Variants in CDH13 observed in about 807,000 individuals in gnomAD.
CDH13 encodes cadherin-13.
A neutral mutation model predicts 63.8 loss-of-function variants in CDH13; 24 were observed. The ratio of observed to expected loss-of-function variants is 0.38; its 90% CI spans 0.27 to 0.53. The LOEUF (loss-of-function observed/expected upper bound fraction) is 0.53. Among genes scored for constraint, CDH13 ranks in the 20% least tolerant of loss-of-function variants. CDH13 has a pLI of 0.85. For missense variants in CDH13, 1,049 were observed against 903.1 expected, an observed-to-expected ratio of 1.16 and a Z score of -2.07; for synonymous variants, 503 against 355.3, an observed-to-expected ratio of 1.42 and a Z score of -4.67.
chr16:83,489,423 C>T (rs193048875), intron 7 of CDH13, among the ~76,000 whole-genome samples: 47 of 152,246 alleles, frequency 3.1e-4, no homozygotes, highest in Non-Finnish European at 4.9e-4. Context: ...TGAGGGTTTC[C>T]AGAGTTCATT....
At chr16:83,513,451 C>T (rs575993203) in intron 7 of CDH13, among the ~76,000 whole-genome samples, 21 of 152,258 alleles carry the variant, frequency 1.4e-4, no homozygotes, top group African/African-American at 4.8e-4. Flanking sequence ...TCTCATGCTG[C>T]TATAAAGACT....
intron 4 of CDH13, among the ~76,000 whole-genome samples, chr16:83,125,891 G>A (rs1315080837): frequency 6.6e-6 from 1 of 152,226 alleles, no homozygotes; most frequent in African/African-American, 2.4e-5. Flanking sequence ...TTAGGTCTAC[G>A]CGTACCACTG....
At chr16:82,838,546 A>T (rs9930075) in intron 1 of CDH13, among the ~76,000 whole-genome samples, 48,055 of 152,052 alleles carry the variant, frequency 0.32, 8,817 homozygotes, top group East Asian at 0.8. Flanking sequence ...CCAAAGTAAT[A>T]GTAATATCAT....
chr16:82,717,029 C>G (rs903442205), intron 1 of CDH13, among the ~76,000 whole-genome samples: 1 of 152,016 alleles, frequency 6.6e-6, no homozygotes. Context: ...CTGAGCTTGG[C>G]CAGATGCTGC....
intron 2 of CDH13, among the ~76,000 whole-genome samples, chr16:82,865,466 C>G (rs1422160654): frequency 6.6e-6 from 1 of 152,208 alleles, no homozygotes; most frequent in African/African-American, 2.4e-5. Context: ...CCTGCAGGCC[C>G]AACACCACGT....
intron 7 of CDH13, among the ~76,000 whole-genome samples, chr16:83,579,033 C>T (rs958059960): frequency 1.3e-5 from 2 of 152,236 alleles, no homozygotes; most frequent in Non-Finnish European, 2.9e-5. Context: ...TTTAATCCTT[C>T]TGACAACCTT....
chr16:82,762,957 A>G (rs1255553792), intron 1 of CDH13, among the ~76,000 whole-genome samples: 3 of 152,230 alleles, frequency 2.0e-5, no homozygotes, highest in Admixed American at 1.3e-4. Flanking sequence ...CGGGAGGTAC[A>G]TGAACTGCTC....
chr16:82,893,938 C>T (rs1276100941), intron 2 of CDH13, among the ~76,000 whole-genome samples: 2 of 152,186 alleles, frequency 1.3e-5, no homozygotes, highest in East Asian at 3.9e-4. Flanking sequence ...AGTAACCTCC[C>T]ACATGTTTTC....
chr16:82,940,239 A>G (rs2042790861), intron 2 of CDH13, among the ~76,000 whole-genome samples: 1 of 152,226 alleles, frequency 6.6e-6, no homozygotes, highest in Admixed American at 6.5e-5. Flanking sequence ...AGACATCAGT[A>G]TAAATCCTGG....
chr16:83,686,990 A>G (rs1205509041), intron 10 of CDH13, among the ~76,000 whole-genome samples: 2 of 152,148 alleles, frequency 1.3e-5, no homozygotes, highest in Non-Finnish European at 2.9e-5. Context: ...TGGGCAGATC[A>G]TTTGAGGTTA....
At chr16:83,218,892 T>C (rs1290150173) in intron 5 of CDH13, among the ~76,000 whole-genome samples, 1 of 152,116 alleles carries the variant, frequency 6.6e-6, no homozygotes, top group Non-Finnish European at 1.5e-5. Context: ...ATCTGATGGT[T>C]TTATGAATGG....
At chr16:83,554,728 C>T (rs2075570104) in intron 7 of CDH13, among the ~76,000 whole-genome samples, 1 of 152,118 alleles carries the variant, frequency 6.6e-6, no homozygotes, top group Admixed American at 6.5e-5. Context: ...TGCCCAGCAA[C>T]TGCCTGTCCA....
chr16:83,048,544 T>A (rs2029905029), intron 3 of CDH13, among the ~76,000 whole-genome samples: 1 of 152,194 alleles, frequency 6.6e-6, no homozygotes, highest in South Asian at 2.1e-4. Flanking sequence ...TAAGTTGTAC[T>A]CTAGTGCCTA....
At chr16:82,921,952 C>T (rs60691277) in intron 2 of CDH13, among the ~76,000 whole-genome samples, 1 of 151,922 alleles carries the variant, frequency 6.6e-6, no homozygotes, top group Non-Finnish European at 1.5e-5. Flanking sequence ...TAACTGTTTT[C>T]TGCTATTAAG....
intron 1 of CDH13, among the ~76,000 whole-genome samples, chr16:82,680,489 G>A (rs1273924098): frequency 7.2e-6 from 1 of 139,320 alleles, no homozygotes; most frequent in Non-Finnish European, 1.5e-5. Flanking sequence ...TGGGAAGTGG[G>A]GCTAACACAG....
intron 1 of CDH13, among the ~76,000 whole-genome samples, chr16:82,800,528 C>T (rs995672098): frequency 1.3e-5 from 2 of 152,164 alleles, no homozygotes; most frequent in African/African-American, 4.8e-5. Flanking sequence ...CAGATGTTGA[C>T]ACATTTCACA....
intron 6 of CDH13, among the ~76,000 whole-genome samples, chr16:83,373,542 A>T (rs902599662): frequency 6.6e-6 from 1 of 152,164 alleles, no homozygotes. Flanking sequence ...GGCATAGGCT[A>T]TGGGGATGGC....
At chr16:83,060,767 T>G (rs2031467386) in intron 3 of CDH13, among the ~76,000 whole-genome samples, 1 of 152,226 alleles carries the variant, frequency 6.6e-6, no homozygotes, top group Non-Finnish European at 1.5e-5. Flanking sequence ...AATAACTGTC[T>G]TATTCTGTAC....
At chr16:82,628,455 A>G (rs966358742) in intron 1 of CDH13, among the ~76,000 whole-genome samples, 1 of 152,196 alleles carries the variant, frequency 6.6e-6, no homozygotes, top group African/African-American at 2.4e-5. Flanking sequence ...AAGGGAGACC[A>G]CTGTTAGAGC....
Sources: allele counts gnomAD v4.1 joint callset (sites outside exome capture counted in the v4.1 genomes callset), GRCh38; gene constraint gnomAD v4.1.1; transcripts MANE v1.5; gene names NCBI Gene and HGNC (gene_info 2026-07-23, HGNC 2026-07-21).